HTR2C: variants seen among roughly 807,000 people sequenced by gnomAD.
The protein encoded by HTR2C is 5-hydroxytryptamine (serotonin) receptor 2C, G protein-coupled.
In HTR2C, 5 loss-of-function variants were observed where a neutral mutation model predicts 21.0. The ratio of observed to expected loss-of-function variants is 0.24; its 90% CI spans 0.12 to 0.50. The LOEUF (loss-of-function observed/expected upper bound fraction) is 0.50, where lower values mean the gene tolerates loss of function less well. Among genes scored for constraint, HTR2C ranks in the 20% least tolerant of loss-of-function variants. The pLI, the probability that HTR2C is intolerant of heterozygous loss-of-function variation, is 0.98. For missense variants in HTR2C, 271 were observed against 371.2 expected (o/e 0.73, Z 2.22); for synonymous variants, 150 against 145.3 (o/e 1.03, Z -0.23).
intron 4 of HTR2C, among the ~76,000 whole-genome samples, chrX:114,758,882 C>A (rs2069839383): frequency 9.0e-6 from 1 of 111,595 alleles, no homozygotes; most frequent in African/African-American, 3.3e-5. Context: ...ATATATCCCC[C>A]CACTTTTGTT....
intron 4 of HTR2C, among the ~76,000 whole-genome samples, chrX:114,757,017 C>G (rs2069820290): frequency 9.0e-6 from 1 of 111,251 alleles, no homozygotes; most frequent in South Asian, 3.8e-4. Flanking sequence ...AGACCTTGAT[C>G]TCTCTAGTGA....
At chrX:114,715,749 G>A (rs1288721956) in intron 2 of HTR2C, among the ~76,000 whole-genome samples, 2 of 111,858 alleles carry the variant, frequency 1.8e-5, no homozygotes, top group Non-Finnish European at 3.8e-5. Context: ...TCCATCTAAT[G>A]TATTTACCCC....
intron 5 of HTR2C, among the ~76,000 whole-genome samples, chrX:114,868,162 G>A (rs1338337590): frequency 1.8e-5 from 2 of 109,256 alleles, no homozygotes; most frequent in Admixed American, 9.7e-5. Flanking sequence ...TCCATTTTTT[G>A]GTGTCCCCTT....
At chrX:114,897,536 G>T (rs2147532872) in intron 5 of HTR2C, among the ~76,000 whole-genome samples, 1 of 111,562 alleles carries the variant, frequency 9.0e-6, no homozygotes, top group African/African-American at 3.3e-5. Context: ...GCATCCATTA[G>T]CTATTCTTCC....
intron 4 of HTR2C, chrX:114,776,255 T>C (rs1437296887): frequency 5.3e-6 from 3 of 570,585 alleles, no homozygotes; most frequent in Admixed American, 2.2e-5. Flanking sequence ...ACTTGGCTCA[T>C]TGATAATTCT....
intron 4 of HTR2C, among the ~76,000 whole-genome samples, chrX:114,810,395 G>A (rs1467671154): frequency 9.1e-6 from 1 of 110,317 alleles, no homozygotes; most frequent in Non-Finnish European, 1.9e-5. Flanking sequence ...GGACCCGGGG[G>A]GCACTTTTGC....
intron 2 of HTR2C, among the ~76,000 whole-genome samples, chrX:114,682,728 G>A (rs1006609710): frequency 9.1e-6 from 1 of 110,378 alleles, no homozygotes; most frequent in Non-Finnish European, 1.9e-5. Flanking sequence ...CTCACCCTCC[G>A]CCTTTCCTTC....
intron 1 of HTR2C, among the ~76,000 whole-genome samples, chrX:114,596,999 C>T (rs1170840248): frequency 2.7e-5 from 3 of 110,335 alleles, no homozygotes; most frequent in Non-Finnish European, 5.7e-5. Context: ...GGGCAGATCA[C>T]ATGAGGCCAG....
At chrX:114,690,572 C>A (rs1932075834) in intron 2 of HTR2C, among the ~76,000 whole-genome samples, 1 of 111,004 alleles carries the variant, frequency 9.0e-6, no homozygotes, top group South Asian at 3.8e-4. Flanking sequence ...TGAAAGCCTG[C>A]ATTTTAGGAA....
At chrX:114,701,708 G>A (rs781851164) in intron 2 of HTR2C, among the ~76,000 whole-genome samples, 27 of 112,586 alleles carry the variant, frequency 2.4e-4, no homozygotes, top group African/African-American at 7.7e-4. Flanking sequence ...AAAGCTGGAC[G>A]GAGAATGACC....
chrX:114,597,969 G>T (rs182042879), intron 1 of HTR2C, among the ~76,000 whole-genome samples: 34 of 111,750 alleles, frequency 3.0e-4, no homozygotes, highest in Non-Finnish European at 6.4e-4. Context: ...TTCAATAATT[G>T]TTAAGATTCT....
At chrX:114,719,027 AAAT>A (rs1556420242) in intron 2 of HTR2C, among the ~76,000 whole-genome samples, 6 of 103,546 alleles carry the variant, frequency 5.8e-5, no homozygotes, top group Non-Finnish European at 9.7e-5. Flanking sequence ...TAAATAAATA[AAAT>A]AATATAATAA....
intron 3 of HTR2C, among the ~76,000 whole-genome samples, 189 bp from the exon 4 acceptor site, chrX:114,731,105 G>A (rs1602728455): frequency 9.0e-6 from 1 of 111,218 alleles, no homozygotes; most frequent in East Asian, 2.8e-4. Flanking sequence ...ATAAAAGTTG[G>A]TGATTTTTGG....
At chrX:114,870,958 TG>T (rs1232189216) in intron 5 of HTR2C, among the ~76,000 whole-genome samples, 2 of 111,656 alleles carry the variant, frequency 1.8e-5, no homozygotes, top group African/African-American at 6.5e-5. Flanking sequence ...CTGCTAATTT[TG>T]GGTTTGGTTT....
chrX:114,766,229 A>T (rs1039379460), intron 4 of HTR2C, among the ~76,000 whole-genome samples: 1 of 111,619 alleles, frequency 9.0e-6, no homozygotes, highest in Admixed American at 9.6e-5. Context: ...TCAAAATCTG[A>T]AAGTATCATT....
intron 5 of HTR2C, among the ~76,000 whole-genome samples, chrX:114,858,903 C>T (rs992860493): frequency 1.1e-4 from 12 of 109,733 alleles, no homozygotes; most frequent in Non-Finnish European, 2.3e-4. Context: ...TTTCCAAATC[C>T]TTTTTTCTGA....
chrX:114,826,428 C>T lies in HTR2C; in HGVS notation c.350-21575C>T, dbSNP rs182358893. ...AAGTAGAAAATTTCTCAGCTGACCTCATGTGACTGGTCACAGTCAAAATGC... is the reference window on the plus strand; with the variant it reads ...AAGTAGAAAATTTCTCAGCTGACCTTATGTGACTGGTCACAGTCAAAATGC... On this transcript the variant is annotated intron_variant, in intron 4 of 5. Transcript: ENST00000276198. Among the ~76,000 whole-genome samples, 47 of 111,858 alleles carry T rather than the reference C, an allele frequency of 4.2e-4. 1 individual carries two copies. Among genetic ancestry groups the T allele is most frequent in the Non-Finnish European group, 1.7e-4 (9 of 53,201 alleles).
At chrX:114,750,331 A>T (rs1170079661) in intron 4 of HTR2C, among the ~76,000 whole-genome samples, 2 of 112,009 alleles carry the variant, frequency 1.8e-5, no homozygotes, top group African/African-American at 6.5e-5. Flanking sequence ...CTGTCATTGT[A>T]TGTGTATTTG....
At chrX:114,630,992 A>C (rs1929593759) in intron 2 of HTR2C, 1 of 247,151 alleles carries the variant, frequency 4.0e-6, no homozygotes, top group South Asian at 4.8e-5. Context: ...CAGCTCAGTA[A>C]CTGCTATTAC....
Sources: allele counts gnomAD v4.1 joint callset (sites outside exome capture counted in the v4.1 genomes callset), GRCh38; gene constraint gnomAD v4.1.1; transcripts MANE v1.5; gene names NCBI Gene and HGNC (gene_info 2026-07-23, HGNC 2026-07-21).